Variants in PPP4R3A observed in about 807,000 individuals in gnomAD.
PPP4R3A encodes serine/threonine-protein phosphatase 4 regulatory subunit 3A.
A neutral mutation model predicts 91.7 loss-of-function variants in PPP4R3A; 15 were observed. That is an observed-to-expected ratio of 0.16 (90% CI 0.11 to 0.25). The LOEUF (loss-of-function observed/expected upper bound fraction) is 0.25, where lower values mean the gene tolerates loss of function less well. Ranked by LOEUF, PPP4R3A falls within the 10% of genes least tolerant of loss-of-function variation. PPP4R3A has a pLI of 1.00. For missense variants in PPP4R3A, 623 were observed against 998.4 expected, an observed-to-expected ratio of 0.62 and a Z score of 5.07; for synonymous variants, 377 against 348.7, an observed-to-expected ratio of 1.08 and a Z score of -0.91.
chr14:91,509,751 C>G lies in PPP4R3A; in HGVS notation c.-104G>C. 3 of 1,323,610 alleles carry G rather than the reference C, an allele frequency of 2.3e-6. No homozygotes were observed. Among genetic ancestry groups the G allele is most frequent in the Non-Finnish European group, 2.9e-6 (3 of 1,042,884 alleles). The allele number at this position is 1,323,610 out of a possible 1,614,324, so 82.0% of individuals were successfully genotyped here. The stretch of plus-strand genomic sequence containing the variant: ...CGTGAGGGCGCCCGCGAGCGGAGGG[C>G]TCCCCGGCCTCACTGCCGCCGCTGG... On this transcript the variant is annotated 5_prime_UTR_variant, in exon 1 of 15. Transcript: ENST00000554943.
chr14:91,466,144 A>G, intron 10 of PPP4R3A: 1 of 760,886 alleles, frequency 1.3e-6, no homozygotes, highest in Non-Finnish European at 1.6e-6. Context: ...GTCACCATTC[A>G]TCAAGACACA....
intron 4 of PPP4R3A, among the ~76,000 whole-genome samples, chr14:91,481,264 G>A (rs566112123): frequency 3.3e-5 from 5 of 152,268 alleles, no homozygotes; most frequent in Middle Eastern, 3.4e-3. Flanking sequence ...CCAGGGAAGC[G>A]AAGGTGGAGG....
Position 91,461,565 on chromosome 14 carries a change from A to G in PPP4R3A, c.2207T>C (p.Leu736Pro), listed in dbSNP as rs751492645. The G allele has an allele frequency of 1.2e-6, 2 of 1,614,124 alleles. No homozygotes were observed. The highest frequency in any genetic ancestry group is 4.5e-5 in the East Asian group (2 of 44,888). Residue 736 changes from leucine to proline, a missense_variant, in exon 14 of 15, where the codon CTT becomes CCT. By Grantham distance (98) the Leu-to-Pro change is moderately conservative. Around this residue, in one of 5 missense-constraint regions of PPP4R3A, gnomAD observed 201 missense variants for 229.9 expected, o/e 0.87. Transcript: ENST00000554943. ...GAAACTTGGGCTCTGCCGTCCAGAAAGGTTTGTTTTCAGAAGCACTTCCTT... is the reference window on the plus strand; with the variant it reads ...GAAACTTGGGCTCTGCCGTCCAGAAGGGTTTGTTTTCAGAAGCACTTCCTT... ...EEKEVLLKTN[L>P]SGRQSPSFKL...
chr14:91,507,397 A>AT lies in PPP4R3A; in HGVS notation c.142+2108_142+2109insA, dbSNP rs1566660243. ...ATTATATATACTATATAGTATATGT[A>AT]CTATAATTATATATACTATATAATA... On this transcript the variant is annotated intron_variant, in intron 1 of 14. Transcript: ENST00000554943. Among the ~76,000 whole-genome samples, 65 of 52,162 alleles carry AT rather than the reference A, an allele frequency of 1.2e-3. 4 individuals are homozygous for AT. The highest frequency in any genetic ancestry group is 2.9e-3 in the Non-Finnish European group (51 of 17,784). The allele number at this position is 52,162 out of a possible 152,430, so 34.2% of individuals were successfully genotyped here.
At chr14:91,478,193 A>C (rs558470336) in intron 4 of PPP4R3A, among the ~76,000 whole-genome samples, 2 of 152,320 alleles carry the variant, frequency 1.3e-5, no homozygotes, top group African/African-American at 4.8e-5. Flanking sequence ...TATGATCTTG[A>C]CCATGTTTGC....
At chr14:91,501,685 T>C (rs1311830659) in intron 1 of PPP4R3A, among the ~76,000 whole-genome samples, 3 of 147,896 alleles carry the variant, frequency 2.0e-5, no homozygotes, top group African/African-American at 7.5e-5. Flanking sequence ...CAAAATCTCA[T>C]GTAGGTGGGA....
At position 91,505,240 on chromosome 14, in the gene PPP4R3A, G is replaced by A. The variant is rs563125855; in HGVS notation, c.142+4266C>T. On this transcript the variant is annotated intron_variant, in intron 1 of 14. Transcript: ENST00000554943. ...GGCTGAGGAGGGCGGATCACCTGATGTCAGCAGTTCAAGACCAGCCTGGCC... is the reference window on the plus strand; with the variant it reads ...GGCTGAGGAGGGCGGATCACCTGATATCAGCAGTTCAAGACCAGCCTGGCC... Among the ~76,000 whole-genome samples the A allele has an allele frequency of 1.8e-4, 27 of 152,194 alleles. No individual in the cohort carries two copies. The South Asian group carries it at 5.4e-3, about 30-fold the overall frequency.
chr14:91,483,648 A>C (rs542092359), intron 3 of PPP4R3A, among the ~76,000 whole-genome samples: 1 of 152,194 alleles, frequency 6.6e-6, no homozygotes, highest in Non-Finnish European at 1.5e-5. Flanking sequence ...GAAATAGAAA[A>C]ACATTTAATA....
Position 91,509,527 on chromosome 14 carries a change from GC to G in PPP4R3A, c.120del (p.Val42SerfsTer11). 6.3e-7 allele frequency: 1 copy of G among 1,596,520 alleles called. No homozygotes were observed. Among genetic ancestry groups the G allele is most frequent in the Non-Finnish European group, 8.5e-7 (1 of 1,176,642 alleles). ...TTACCGTCGCTCTCAGCCCTGACAA[GC>G]AGGGACATGCCCTTCAGCCGCTCCA... is the stretch of plus-strand genomic sequence containing the variant. ...GYVERLKGMS[L>X]LVRAESDGSL... On this transcript the variant is annotated frameshift_variant, in exon 1 of 15. Transcript: ENST00000554943. LOFTEE classifies it high-confidence loss of function.
intron 11 of PPP4R3A, among the ~76,000 whole-genome samples, chr14:91,464,103 A>T (rs1595049659): frequency 6.6e-6 from 1 of 152,272 alleles, no homozygotes; most frequent in African/African-American, 2.4e-5. Context: ...TGGGCAGATC[A>T]CCTGAGGTCA....
chr14:91,486,973 G>A (rs1055442105), intron 2 of PPP4R3A, among the ~76,000 whole-genome samples: 12 of 151,192 alleles, frequency 7.9e-5, no homozygotes, highest in Non-Finnish European at 1.8e-4. Context: ...TTGGCAGGGT[G>A]CGGTGGCTCA....
intron 1 of PPP4R3A, among the ~76,000 whole-genome samples, chr14:91,496,778 A>G (rs548425053): frequency 2.6e-5 from 4 of 152,332 alleles, no homozygotes; most frequent in African/African-American, 9.6e-5. Flanking sequence ...TAGAGGCTAG[A>G]ACACCGGAAA....
In PPP4R3A at chr14:91,457,905, CAAT is replaced by C. The variant is rs1887864318; in HGVS notation, c.*851_*853del. 6.6e-6 allele frequency: 1 copy of C among 152,380 alleles called. No individual in the cohort carries two copies. Among genetic ancestry groups the C allele is most frequent in the Non-Finnish European group, 1.5e-5 (1 of 67,994 alleles). 9.4% of individuals were successfully genotyped at this position (152,380 alleles called of 1,614,324 possible). On this transcript the variant is annotated 3_prime_UTR_variant, in exon 15 of 15. Transcript: ENST00000554943. ...AGTTGTAAGATTACTTTGCTTTTGTCAATAAAAACTATACCATCTTTCATAAAA... is the reference window on the plus strand; with the variant it reads ...AGTTGTAAGATTACTTTGCTTTTGTCAAAAACTATACCATCTTTCATAAAA...
Position 91,477,005 on chromosome 14 carries a change from A to G in PPP4R3A, c.916-19T>C. 6.4e-7 allele frequency: 1 copy of G among 1,562,338 alleles called. No homozygotes were observed. Among genetic ancestry groups the G allele is most frequent in the South Asian group, 1.2e-5 (1 of 86,730 alleles). ...CATCTTCCTGTGAAACAAAGGACAA[A>G]TGCAATTATGTTAATGCTAAGATTG... On this transcript the variant is annotated intron_variant, in intron 4 of 14. Coordinates refer to ENST00000554943, the MANE Select transcript of PPP4R3A (RefSeq NM_001366432.2).
At chr14:91,491,431 CAG>C (rs1890228282) in intron 1 of PPP4R3A, among the ~76,000 whole-genome samples, 1 of 151,802 alleles carries the variant, frequency 6.6e-6, no homozygotes, top group Non-Finnish European at 1.5e-5. Context: ...TTATTGGGGA[CAG>C]AGTCTCACTC....
intron 1 of PPP4R3A, 101 bp downstream of exon 1, chr14:91,509,405 C>T (rs1891631915): frequency 2.0e-6 from 3 of 1,494,288 alleles, no homozygotes; most frequent in Non-Finnish European, 2.7e-6. Context: ...CCCAGCCGTC[C>T]CTCTGTTCTC....
In PPP4R3A at chr14:91,461,584, C is replaced by A; in HGVS notation, c.2188G>T (p.Val730Leu). 1 of 1,614,000 alleles carries A rather than the reference C, an allele frequency of 6.2e-7. No homozygotes were observed. The highest frequency in any genetic ancestry group is 1.1e-5 in the South Asian group (1 of 91,066). Reference sequence around the variant, plus strand: ...CCAGAAAGGTTTGTTTTCAGAAGCACTTCCTTTTCCTCACTTTCTTTTACT... The same window carrying A: ...CCAGAAAGGTTTGTTTTCAGAAGCAATTCCTTTTCCTCACTTTCTTTTACT... The part of the protein sequence containing the change: ...KKLKESEEKE[V>L]LLKTNLSGRQ... Residue 730 changes from valine to leucine, a missense_variant, in exon 14 of 15, where the codon GTG becomes TTG. Val to Leu is a conservative substitution (Grantham distance 32). This residue lies in a region of PPP4R3A where 201 missense variants were observed against 229.9 expected (regional missense o/e 0.87). Transcript: ENST00000554943.
rs1887872999 is a variant in PPP4R3A, at chr14:91,458,035, G to A, written c.*724C>T. The A allele has an allele frequency of 6.6e-6, 1 of 152,204 alleles. No homozygotes were observed. Among genetic ancestry groups the A allele is most frequent in the Non-Finnish European group, 1.5e-5 (1 of 67,976 alleles). The allele number at this position is 152,204 out of a possible 1,614,324, so 9.4% of individuals were successfully genotyped here. A position where few individuals can be genotyped will look rare whatever the true frequency, so the allele number is the denominator to read the frequency against. The stretch of plus-strand genomic sequence containing the variant: ...ATATTACATCAAAAAAAGTTTTAAT[G>A]GTCCCAAATATATATACTCAACAAC... On this transcript the variant is annotated 3_prime_UTR_variant, in exon 15 of 15. Transcript: ENST00000554943.
At chr14:91,479,308 G>A (rs918447326) in intron 4 of PPP4R3A, among the ~76,000 whole-genome samples, 1 of 151,354 alleles carries the variant, frequency 6.6e-6, no homozygotes, top group Non-Finnish European at 1.5e-5. Flanking sequence ...GTGTGTGTGT[G>A]TGTGTGTGTG....
Sources: allele counts gnomAD v4.1 joint callset (sites outside exome capture counted in the v4.1 genomes callset), GRCh38; gene constraint gnomAD v4.1.1; regional missense constraint gnomAD v4.1.1; transcripts MANE v1.5; gene names NCBI Gene and HGNC (gene_info 2026-07-23, HGNC 2026-07-21).